The following DGKA variants were observed in gnomAD, a reference collection of about 807,000 sequenced individuals.
DGKA encodes diacylglycerol kinase alpha.
In DGKA, 35 loss-of-function variants were observed where a neutral mutation model predicts 105.0. The observed-to-expected ratio is 0.33, with a 90% CI of 0.25 to 0.44. DGKA has a LOEUF of 0.44. Ranked by LOEUF, DGKA falls within the 20% of genes least tolerant of loss-of-function variation. The pLI is 1.00. For synonymous variants in DGKA, 296 were observed against 332.0 expected (o/e 0.89, Z 1.18); for missense variants, 665 against 915.0 (o/e 0.73, Z 3.53).
intron 15 of DGKA, 146 bp downstream of exon 15, chr12:55,941,730 G>A: frequency 2.3e-6 from 2 of 869,704 alleles, no homozygotes; most frequent in South Asian, 3.2e-5. Flanking sequence ...TCCTTCCCTA[G>A]GGTCACTGGG....
chr12:55,927,913 C>G (rs540306863), upstream of DGKA: 3 of 1,013,478 alleles, frequency 3.0e-6, no homozygotes, highest in Non-Finnish European at 4.2e-6. Flanking sequence ...GGGCTGGGCC[C>G]TAGGGTCAGA....
At position 55,941,571 on chromosome 12, in the gene DGKA, G is replaced by C; in HGVS notation, c.1237G>C (p.Gly413Arg). The C allele has an allele frequency of 3.1e-6, 5 of 1,614,132 alleles. No homozygotes were observed. The highest frequency in any genetic ancestry group is 3.4e-6 in the Non-Finnish European group (4 of 1,179,992). The part of the protein sequence containing the change: ...PRQVFNLLKD[G>R]PEIGLRLFKD... ...ACAGGTGTTCAACCTCCTAAAGGAT[G>C]GTCCTGAGATAGGGTGAGCACAGGT... The change falls in exon 15 of 24, where the codon GGT becomes CGT. Residue 413 changes from glycine (G) to arginine (R), a missense_variant. Physicochemically the swap from Gly to Arg is moderately radical, Grantham distance 125. Around this residue, in one of 3 missense-constraint regions of DGKA, gnomAD observed 504 missense variants for 681.2 expected, o/e 0.74. Transcript: ENST00000331886.
Position 55,940,315 on chromosome 12 carries a change from T to C in DGKA, c.800T>C (p.Val267Ala), listed in dbSNP as rs750412734. The change falls in exon 11 of 24, where the codon GTC becomes GCC. Residue 267 changes from valine to alanine, a missense_variant and splice_region_variant. By Grantham distance (64) the Val-to-Ala change is moderately conservative (BLOSUM62 0). Around this residue, in one of 3 missense-constraint regions of DGKA, gnomAD observed 504 missense variants for 681.2 expected, o/e 0.74. Coordinates refer to ENST00000331886, the MANE Select transcript of DGKA (RefSeq NM_001345.5). The surrounding 1 kb of genome is among the most constrained non-coding windows in gnomAD (Gnocchi z 4.3). Reference sequence around the variant, plus strand: ...CAAGGAACTGCCTTTCTCCCCAAGGTCCAATCACATGTGTGGGTGCGAGGA... The same window carrying C: ...CAAGGAACTGCCTTTCTCCCCAAGGCCCAATCACATGTGTGGGTGCGAGGA... ...TYAKSRKDIG[V>A]QSHVWVRGGC... is the part of the protein sequence containing the mutation. 6.2e-7 allele frequency: 1 copy of C among 1,614,152 alleles called. No homozygotes were observed. The highest frequency in any genetic ancestry group is 1.1e-5 in the South Asian group (1 of 91,082).
intron 3 of DGKA, 39 bp downstream of exon 3, chr12:55,937,129 T>C (rs1016711999): frequency 6.2e-7 from 1 of 1,605,416 alleles, no homozygotes. Flanking sequence ...TGATCAACTC[T>C]TCCCATCTTT....
Position 55,952,222 on chromosome 12 carries a change from C to T in DGKA, c.1653-119C>T, listed in dbSNP as rs112767517. 784 of 1,500,948 alleles carry T rather than the reference C, an allele frequency of 5.2e-4. 3 individuals carry two copies. In the African/African-American group the frequency reaches 9.2e-3, roughly 18 times the overall value. 93.0% of individuals were successfully genotyped at this position (1,500,948 alleles called of 1,614,324 possible). ...TAGGAGGTCCCCCCAACCAAAGCCA[C>T]CCTTGTTCCCCATGGGACTAAAGTT... On this transcript the variant is annotated intron_variant, in intron 19 of 23. Coordinates refer to ENST00000331886, the MANE Select transcript of DGKA (RefSeq NM_001345.5). The surrounding 1 kb of genome is among the most constrained non-coding windows in gnomAD (Gnocchi z 5.1).
At position 55,932,769 on chromosome 12, in the gene DGKA, G is replaced by C; in HGVS notation, c.-82+1425G>C. The C allele has an allele frequency of 1.7e-6, 1 of 580,486 alleles. No individual in the cohort carries two copies. The highest frequency in any genetic ancestry group is 3.1e-6 in the Non-Finnish European group (1 of 322,258). The allele number at this position is 580,486 out of a possible 1,614,324, so 36.0% of individuals were successfully genotyped here. ...CCCCTCAGCCAGGTGTAGCACTGCA[G>C]TCTTCAGTGTTTGTGGAGGCTTAAT... is the stretch of plus-strand genomic sequence containing the variant. On this transcript the variant is annotated intron_variant, in intron 1 of 23. Coordinates refer to ENST00000331886, the MANE Select transcript of DGKA (RefSeq NM_001345.5). This position sits in a 1 kb window ranked among gnomAD's most constrained non-coding sequence, Gnocchi z 4.3.
rs1267256620 is a variant in DGKA, at chr12:55,940,039, G to T, written c.710-43G>T. The T allele has an allele frequency of 1.3e-6, 2 of 1,540,794 alleles. No individual in the cohort carries two copies. Among genetic ancestry groups the T allele is most frequent in the South Asian group, 2.2e-5 (2 of 89,408 alleles). On this transcript the variant is annotated intron_variant, in intron 9 of 23. Transcript: ENST00000331886. This position sits in a 1 kb window ranked among gnomAD's most constrained non-coding sequence, Gnocchi z 4.3. The stretch of plus-strand genomic sequence containing the variant: ...CCCTCAGGTAAGAAGGAAATAGGGG[G>T]AGAGGCTCAGCTAAGCCTCCCAACT...
chr12:55,935,977 G>GCC (rs1172081196), intron 1 of DGKA: 1 of 989,208 alleles, frequency 1.0e-6, no homozygotes, highest in East Asian at 1.1e-4. Flanking sequence ...CACTCAGAGG[G>GCC]CCGGAACTGC....
At chr12:55,937,361 G>A in intron 3 of DGKA, 47 bp from the exon 4 acceptor site, 1 of 1,600,724 alleles carries the variant, frequency 6.2e-7, no homozygotes. Context: ...TTCAGCCCCA[G>A]CTCTGACCTT....
In DGKA at chr12:55,953,730, C is replaced by T. The variant is rs1484582377; in HGVS notation, c.2170C>T (p.Pro724Ser). ...CCAGATGCCCATGCTCATGGGCCCACCCCCCCGCTCCACCAATTTCTTTGG... is the reference window on the plus strand; with the variant it reads ...CCAGATGCCCATGCTCATGGGCCCATCCCCCCGCTCCACCAATTTCTTTGG... Reference protein sequence around the residue: ...KNQMPMLMGPPPRSTNFFGFL... With the variant: ...KNQMPMLMGPSPRSTNFFGFL... Residue 724 changes from proline (P) to serine (S), a missense_variant, in exon 24 of 24, where the codon CCC becomes TCC. Pro to Ser is a moderately conservative substitution (Grantham distance 74, BLOSUM62 -1). This residue lies in a region of DGKA where 158 missense variants were observed against 213.4 expected (regional missense o/e 0.74). Coordinates refer to ENST00000331886, the MANE Select transcript of DGKA (RefSeq NM_001345.5). 2 of 1,613,208 alleles carry T rather than the reference C, an allele frequency of 1.2e-6. No individual in the cohort carries two copies. The highest frequency in any genetic ancestry group is 1.7e-6 in the Non-Finnish European group (2 of 1,179,398).
Position 55,938,072 on chromosome 12 carries a change from T to C in DGKA, c.349+20T>C, listed in dbSNP as rs778925714. On this transcript the variant is annotated intron_variant, in intron 5 of 23. Coordinates refer to ENST00000331886, the MANE Select transcript of DGKA (RefSeq NM_001345.5). ...TAGAATGTGAGTTGCCCTTCTGAAG[T>C]GAGGTGGCAGGGCAGTGAAGGGAGA... is the stretch of plus-strand genomic sequence containing the variant. 1.3e-4 allele frequency: 212 copies of C among 1,607,858 alleles called. 1 individual carries two copies. The South Asian group carries it at 2.2e-3, about 17-fold the overall frequency.
intron 17 of DGKA, among the ~76,000 whole-genome samples, chr12:55,947,629 C>T (rs1887302474): frequency 6.6e-6 from 1 of 152,018 alleles, no homozygotes; most frequent in African/African-American, 2.4e-5. Flanking sequence ...TAAACAGTTC[C>T]CTATTGGTGG....
At position 55,953,738 on chromosome 12, in the gene DGKA, C is replaced by T. The variant is rs1888638413; in HGVS notation, c.2178C>T (p.Arg726=). The T allele has an allele frequency of 1.2e-6, 2 of 1,614,162 alleles. No homozygotes were observed. The highest frequency in any genetic ancestry group is 8.5e-7 in the Non-Finnish European group (1 of 1,180,026). Residue 726 remains arginine (R), a synonymous_variant, in exon 24 of 24, where the codon CGC becomes CGT. Transcript: ENST00000331886. The part of the protein sequence containing the change: ...QMPMLMGPPP[R]STNFFGFLS ...CCATGCTCATGGGCCCACCCCCCCGCTCCACCAATTTCTTTGGCTTCTTGA... is the reference window on the plus strand; with the variant it reads ...CCATGCTCATGGGCCCACCCCCCCGTTCCACCAATTTCTTTGGCTTCTTGA...
At chr12:55,942,118 G>T (rs762058238) in intron 16 of DGKA, 35 bp downstream of exon 16, 1 of 1,613,812 alleles carries the variant, frequency 6.2e-7, no homozygotes. Flanking sequence ...AAGGTATTGG[G>T]GTCGTAGTCT....
At position 55,932,711 on chromosome 12, in the gene DGKA, A is replaced by ACACACG; in HGVS notation, c.-82+1372_-82+1373insGCACAC. ...ACCCTCTACACACACACACACACGC[A>ACACACG]CACACACACACACACACACACACAC... On this transcript the variant is annotated intron_variant, in intron 1 of 23. Coordinates refer to ENST00000331886, the MANE Select transcript of DGKA (RefSeq NM_001345.5). This position sits in a 1 kb window ranked among gnomAD's most constrained non-coding sequence, Gnocchi z 4.3. The ACACACG allele has an allele frequency of 8.0e-5, 1 of 12,506 alleles. No individual in the cohort carries two copies. The highest frequency in any genetic ancestry group is 1.7e-3 in the South Asian group (1 of 596). 0.8% of individuals were successfully genotyped at this position (12,506 alleles called of 1,614,324 possible). A position where few individuals can be genotyped will look rare whatever the true frequency, so the allele number is the denominator to read the frequency against.
chr12:55,946,147 C>CA (rs772637877), intron 17 of DGKA, among the ~76,000 whole-genome samples: 68 of 151,226 alleles, frequency 4.5e-4, no homozygotes, highest in South Asian at 1.3e-3. Flanking sequence ...GTAACATTCA[C>CA]AGTTTCTTTT....
chr12:55,948,987 A>C (rs1592735331), intron 17 of DGKA, among the ~76,000 whole-genome samples: 1 of 151,792 alleles, frequency 6.6e-6, no homozygotes, highest in Middle Eastern at 3.4e-3. Context: ...ATGCCACTGC[A>C]CTCTAGTTTG....
chr12:55,952,569 T>G lies in DGKA; in HGVS notation c.1743+138T>G. 3 of 1,176,252 alleles carry G rather than the reference T, an allele frequency of 2.6e-6. No homozygotes were observed. Among genetic ancestry groups the G allele is most frequent in the Non-Finnish European group, 3.7e-6 (3 of 802,266 alleles). The allele number at this position is 1,176,252 out of a possible 1,614,324, so 72.9% of individuals were successfully genotyped here. ...CCTCCCAGCTCTCCTACCCCAATTCTCCAAGTCCTCAAGATACACTAGTCC... is the reference window on the plus strand; with the variant it reads ...CCTCCCAGCTCTCCTACCCCAATTCGCCAAGTCCTCAAGATACACTAGTCC... On this transcript the variant is annotated intron_variant, in intron 20 of 23. Transcript: ENST00000331886. This position sits in a 1 kb window ranked among gnomAD's most constrained non-coding sequence, Gnocchi z 5.1.
Position 55,953,788 on chromosome 12 carries a change from C to T in DGKA, c.*20C>T. ...AGCTAAGGGGGACACCCTTGGCCTCCAAGCCAGCCTTGAACCCACCTCCCT... is the reference window on the plus strand; with the variant it reads ...AGCTAAGGGGGACACCCTTGGCCTCTAAGCCAGCCTTGAACCCACCTCCCT... On this transcript the variant is annotated 3_prime_UTR_variant, in exon 24 of 24. Transcript: ENST00000331886. 6.2e-7 allele frequency: 1 copy of T among 1,611,352 alleles called. No homozygotes were observed. Among genetic ancestry groups the T allele is most frequent in the Non-Finnish European group, 8.5e-7 (1 of 1,177,536 alleles).
Sources: allele counts gnomAD v4.1 joint callset (sites outside exome capture counted in the v4.1 genomes callset), GRCh38; gene constraint gnomAD v4.1.1; regional missense constraint gnomAD v4.1.1; non-coding constraint Gnocchi (gnomAD v3.1); transcripts MANE v1.5; gene names NCBI Gene and HGNC (gene_info 2026-07-23, HGNC 2026-07-21).